The following CKAP5 variants were observed in gnomAD, a reference collection of about 807,000 sequenced individuals.
CKAP5 encodes the protein cytoskeleton associated protein 5, also known as cytoskeleton-associated protein 5.
A neutral mutation model predicts 232.8 loss-of-function variants in CKAP5; 27 were observed. The ratio of observed to expected loss-of-function variants is 0.12; its 90% CI spans 0.09 to 0.16. The LOEUF (loss-of-function observed/expected upper bound fraction) is 0.16. Among genes scored for constraint, CKAP5 ranks in the 10% least tolerant of loss-of-function variants. The pLI is 1.00. For missense variants in CKAP5, 1,838 were observed against 2,424.7 expected (o/e 0.76, Z 5.08); for synonymous variants, 785 against 841.1 (o/e 0.93, Z 1.16).
At chr11:46,755,123 G>T in intron 35 of CKAP5, 56 bp from the exon 36 acceptor site, 1 of 1,374,776 alleles carries the variant, frequency 7.3e-7, no homozygotes, top group Non-Finnish European at 9.9e-7. Context: ...TAAAATAGCG[G>T]AAGACACTAT....
At position 46,750,583 on chromosome 11, in the gene CKAP5, T is replaced by C. The variant is rs777148829; in HGVS notation, c.5489A>G (p.Asn1830Ser). The C allele has an allele frequency of 3.1e-6, 5 of 1,613,766 alleles. No homozygotes were observed. The highest frequency in any genetic ancestry group is 4.2e-6 in the Non-Finnish European group (5 of 1,179,836). The change falls in exon 41 of 44, where the codon AAT becomes AGT. Residue 1830 changes from asparagine to serine, a missense_variant. Asn to Ser is a conservative substitution (Grantham distance 46, BLOSUM62 1). Transcript: ENST00000529230. ...IDEKSSKAKV[N>S]DFLAEIFKKI... ...CTTAAAAATCTCAGCTAAGAAATCA[T>C]TCACTTTGGCCTTTGATGATTTTTC... is the stretch of plus-strand genomic sequence containing the variant.
chr11:46,767,612 T>C lies in CKAP5; in HGVS notation c.3374A>G (p.Lys1125Arg). 6.2e-7 allele frequency: 1 copy of C among 1,612,880 alleles called. No individual in the cohort carries two copies. Among genetic ancestry groups the C allele is most frequent in the South Asian group, 1.1e-5 (1 of 90,934 alleles). Reference protein sequence around the residue: ...SSSTEPKPDPKKAKAPGLSSK... With the variant: ...SSSTEPKPDPRKAKAPGLSSK... ...GGATAATCCTGGAGCTTTGGCCTTT[T>C]TTGGATCAGGTTTGGGTTCTGTACT... is the stretch of plus-strand genomic sequence containing the variant. The change falls in exon 27 of 44, where the codon AAA becomes AGA. Residue 1125 changes from lysine (K) to arginine (R), a missense_variant. Lys to Arg is a conservative substitution (Grantham distance 26). Coordinates refer to ENST00000529230, the MANE Select transcript of CKAP5 (RefSeq NM_001008938.4).
chr11:46,782,088 G>T lies in CKAP5; in HGVS notation c.2249+1186C>A, dbSNP rs1160120844. On this transcript the variant is annotated intron_variant, in intron 18 of 43. Transcript: ENST00000529230. The stretch of plus-strand genomic sequence containing the variant: ...AATCTGCACACCTCAGCCTCCCAAA[G>T]TTCTGGGATTACAAGCATGAGCCAC... Among the ~76,000 whole-genome samples the T allele has an allele frequency of 2.6e-5, 4 of 152,120 alleles. No individual in the cohort carries two copies. In the East Asian group the frequency reaches 7.7e-4, roughly 29 times the overall value.
chr11:46,806,366 G>A (rs765248360), intron 8 of CKAP5, among the ~76,000 whole-genome samples: 6 of 152,138 alleles, frequency 3.9e-5, no homozygotes, highest in Admixed American at 1.3e-4. Context: ...TTGACACATC[G>A]AGAATTCAGC....
intron 26 of CKAP5, among the ~76,000 whole-genome samples, chr11:46,768,853 T>G (rs2065225046): frequency 6.6e-6 from 1 of 152,186 alleles, no homozygotes; most frequent in Admixed American, 6.5e-5. Context: ...TCAAGAATAT[T>G]GTTTTGTTTA....
At chr11:46,752,187 TATATATACACACACACAC>T (rs1328187180) in intron 38 of CKAP5, among the ~76,000 whole-genome samples, 98 of 67,854 alleles carry the variant, frequency 1.4e-3, no homozygotes, top group African/African-American at 4.1e-3. Flanking sequence ...TATATATATA[TATATATACACACACACAC>T]ACACACACAC....
chr11:46,840,086 A>G (rs998957163), intron 1 of CKAP5, among the ~76,000 whole-genome samples: 2 of 152,020 alleles, frequency 1.3e-5, no homozygotes, highest in African/African-American at 4.8e-5. Flanking sequence ...TGATCACACC[A>G]CTACACTCCA....
intron 28 of CKAP5, among the ~76,000 whole-genome samples, chr11:46,764,500 A>G (rs2065185427): frequency 6.6e-6 from 1 of 152,240 alleles, no homozygotes; most frequent in Non-Finnish European, 1.5e-5. Context: ...CATTAAAAGA[A>G]AATAGTGAGA....
At chr11:46,790,024 G>T in intron 15 of CKAP5, 52 bp downstream of exon 15, 1 of 1,198,156 alleles carries the variant, frequency 8.3e-7, no homozygotes, top group South Asian at 1.3e-5. Context: ...CAATTTCGCT[G>T]CTTCCATATA....
chr11:46,768,038 C>T (rs2065217797), intron 26 of CKAP5, among the ~76,000 whole-genome samples: 1 of 151,814 alleles, frequency 6.6e-6, no homozygotes, highest in Admixed American at 6.6e-5. Context: ...TCAAGCAATC[C>T]ACCCACCTTG....
At chr11:46,799,796 C>T (rs1030089320) in intron 9 of CKAP5, among the ~76,000 whole-genome samples, 2 of 152,100 alleles carry the variant, frequency 1.3e-5, no homozygotes, top group African/African-American at 4.8e-5. Flanking sequence ...CTCAGGATTT[C>T]GAGACCAGCC....
At chr11:46,790,421 C>T (rs371110756) in intron 14 of CKAP5, 49 bp downstream of exon 14, 11 of 1,318,300 alleles carry the variant, frequency 8.3e-6, no homozygotes, top group African/African-American at 1.5e-5. Context: ...TCTCATTGGT[C>T]TCACTTTGCA....
rs1295844762 is a variant in CKAP5, at chr11:46,751,556, A to G, written c.5134-22T>C. On this transcript the variant is annotated intron_variant, in intron 38 of 43. Transcript: ENST00000529230. ...GACACTATTGAAAAAAGAATAAAAG[A>G]GTTAGGAGTGACTGAAGAATGAGGA... is the stretch of plus-strand genomic sequence containing the variant. The G allele has an allele frequency of 2.6e-6, 4 of 1,567,490 alleles. No homozygotes were observed. The Admixed American group carries it at 7.2e-5, about 28-fold the overall frequency.
chr11:46,838,176 AT>A (rs1223900343), intron 1 of CKAP5, among the ~76,000 whole-genome samples: 1 of 152,174 alleles, frequency 6.6e-6, no homozygotes, highest in Non-Finnish European at 1.5e-5. Flanking sequence ...ACAAATTCCA[AT>A]AGAAGGACAT....
rs558314302 is a variant in CKAP5, at chr11:46,780,074, C to T, written c.2433+120G>A. On this transcript the variant is annotated intron_variant, in intron 20 of 43. Transcript: ENST00000529230. ...CCCAAAACATCTGCACTTAAGCAAT[C>T]CTCCTTCCTCAGGCTCCTGAGTAGC... 5.6e-6 allele frequency: 6 copies of T among 1,080,182 alleles called. No individual in the cohort carries two copies. The Admixed American group carries it at 9.7e-5, about 18-fold the overall frequency. The allele number at this position is 1,080,182 out of a possible 1,614,324, so 66.9% of individuals were successfully genotyped here.
chr11:46,809,601 G>T (rs1218071060), intron 6 of CKAP5, 101 bp from the exon 7 acceptor site: 1 of 1,313,282 alleles, frequency 7.6e-7, no homozygotes, highest in Admixed American at 1.9e-5. Flanking sequence ...TAATAGAGAA[G>T]GGACCAGAGT....
intron 1 of CKAP5, among the ~76,000 whole-genome samples, chr11:46,837,036 G>C (rs1209985571): frequency 6.6e-6 from 1 of 152,176 alleles, no homozygotes; most frequent in Non-Finnish European, 1.5e-5. Flanking sequence ...GACCTAAGTA[G>C]CTTTGGTAAT....
chr11:46,842,622 C>G (rs115704864), intron 1 of CKAP5, among the ~76,000 whole-genome samples: 40 of 152,238 alleles, frequency 2.6e-4, no homozygotes, highest in South Asian at 1.2e-3. Context: ...AATGGTGAGA[C>G]AGAGGGCAAA....
intron 1 of CKAP5, among the ~76,000 whole-genome samples, chr11:46,841,006 T>C (rs1456001766): frequency 6.6e-6 from 1 of 152,110 alleles, no homozygotes; most frequent in Non-Finnish European, 1.5e-5. Context: ...AGGTGGCTCA[T>C]GCCTGTAATC....
Sources: allele counts gnomAD v4.1 joint callset (sites outside exome capture counted in the v4.1 genomes callset), GRCh38; gene constraint gnomAD v4.1.1; transcripts MANE v1.5; gene names NCBI Gene and HGNC (gene_info 2026-07-23, HGNC 2026-07-21).